The following HDAC4 variants were observed in gnomAD, a reference collection of about 807,000 sequenced individuals.
HDAC4 encodes histone deacetylase A.
Under a neutral mutation model 135.1 loss-of-function variants are expected in HDAC4, and 16 were observed. That is an observed-to-expected ratio of 0.12 (90% CI 0.08 to 0.18). The LOEUF (loss-of-function observed/expected upper bound fraction) is 0.18, where lower values mean the gene tolerates loss of function less well. Among genes scored for constraint, HDAC4 ranks in the 10% least tolerant of loss-of-function variants. HDAC4 has a pLI of 1.00. For missense variants in HDAC4, 1,143 were observed against 1,511.8 expected, an observed-to-expected ratio of 0.76 and a Z score of 4.05; for synonymous variants, 685 against 653.4, an observed-to-expected ratio of 1.05 and a Z score of -0.74.
intron 1 of HDAC4, among the ~76,000 whole-genome samples, chr2:239,386,074 G>A (rs1436985407): frequency 6.6e-6 from 1 of 152,124 alleles, no homozygotes; most frequent in Non-Finnish European, 1.5e-5. Context: ...AAGGCAGAGG[G>A]GCCTGCGTTT....
At chr2:239,288,663 T>TA (rs374473592) in intron 2 of HDAC4, among the ~76,000 whole-genome samples, 146 of 146,264 alleles carry the variant, frequency 1.0e-3, no homozygotes, top group East Asian at 5.0e-3. Context: ...AAAACTTAAT[T>TA]AAAAAAAAAA....
chr2:239,186,394 TAAAG>T (rs2044552187), intron 4 of HDAC4: 1 of 152,246 alleles, frequency 6.6e-6, no homozygotes, highest in African/African-American at 2.4e-5. Flanking sequence ...TGATGGCTTA[TAAAG>T]AGAGTTTAAA....
At position 239,339,661 on chromosome 2, in the gene HDAC4, G is replaced by A. The variant is rs369857154; in HGVS notation, c.22+13017C>T. Among the ~76,000 whole-genome samples, 5 of 152,288 alleles carry A rather than the reference G, an allele frequency of 3.3e-5. No individual in the cohort carries two copies. In the East Asian group the frequency reaches 7.7e-4, roughly 23 times the overall value. On this transcript the variant is annotated intron_variant, in intron 2 of 26. Transcript: ENST00000543185. ...TCCCAGAGAACCACACATGTGGCCC[G>A]CGGCCCCCTGCAATCTCCTGGCTAA...
rs60286975 is a variant in HDAC4, at chr2:239,391,867, G to A, written c.-220+9111C>T. On this transcript the variant is annotated intron_variant, in intron 1 of 26. Coordinates refer to ENST00000543185, the MANE Select transcript of HDAC4 (RefSeq NM_001378414.1). Reference sequence around the variant, plus strand: ...CCCACGTGCCTCAGCTCTGGCCTCCGCTTAACCAGAAGAATTCTGAAAACA... The same window carrying A: ...CCCACGTGCCTCAGCTCTGGCCTCCACTTAACCAGAAGAATTCTGAAAACA... Among the ~76,000 whole-genome samples the A allele has an allele frequency of 7.3e-3, 1,115 of 152,312 alleles. 12 individuals are homozygous for A. Among genetic ancestry groups the A allele is most frequent in the African/African-American group, 0.019 (777 of 41,558 alleles).
intron 1 of HDAC4, among the ~76,000 whole-genome samples, chr2:239,372,551 C>A (rs999897376): frequency 6.6e-6 from 1 of 152,234 alleles, no homozygotes; most frequent in Non-Finnish European, 1.5e-5. Context: ...GCACTCCACA[C>A]GCTGCTCTGC....
At chr2:239,311,196 C>T (rs1185368195) in intron 2 of HDAC4, among the ~76,000 whole-genome samples, 2 of 152,152 alleles carry the variant, frequency 1.3e-5, no homozygotes, top group Non-Finnish European at 2.9e-5. Flanking sequence ...AGGGCAGAGC[C>T]TTGCAGCCTT....
chr2:239,384,129 G>A lies in HDAC4; in HGVS notation c.-220+16849C>T, dbSNP rs1695620784. Among the ~76,000 whole-genome samples, 8 of 152,298 alleles carry A rather than the reference G, an allele frequency of 5.3e-5. 1 individual carries two copies. The South Asian group carries it at 1.7e-3, about 32-fold the overall frequency. Reference sequence around the variant, plus strand: ...AAGGCAGAAAACCCAGGGGGACCTGGCTGCACACCACATCGATGGGAAAGA... The same window carrying A: ...AAGGCAGAAAACCCAGGGGGACCTGACTGCACACCACATCGATGGGAAAGA... On this transcript the variant is annotated intron_variant, in intron 1 of 26. Transcript: ENST00000543185.
chr2:239,277,832 A>T (rs1227929223), intron 2 of HDAC4, among the ~76,000 whole-genome samples: 1 of 152,204 alleles, frequency 6.6e-6, no homozygotes, highest in Non-Finnish European at 1.5e-5. Flanking sequence ...CCTACTACTC[A>T]GGTTCTCAGA....
At chr2:239,158,782 C>T (rs3791510) in intron 6 of HDAC4, among the ~76,000 whole-genome samples, 13,554 of 152,136 alleles carry the variant, frequency 0.089, 645 homozygotes, top group East Asian at 0.18. Context: ...AGGTCACACC[C>T]GCCCAGCCCT....
intron 22 of HDAC4, among the ~76,000 whole-genome samples, chr2:239,080,122 CCACA>C (rs532166716): frequency 9.4e-5 from 14 of 148,370 alleles, no homozygotes; most frequent in South Asian, 2.1e-4. Flanking sequence ...GAACACCGAC[CCACA>C]CAAACACACA....
At chr2:239,311,797 C>G (rs1009252696) in intron 2 of HDAC4, among the ~76,000 whole-genome samples, 1 of 152,182 alleles carries the variant, frequency 6.6e-6, no homozygotes, top group South Asian at 2.1e-4. Flanking sequence ...AGTGATGGGG[C>G]GGTGCTTCCT....
At chr2:239,327,748 G>A (rs1372951375) in intron 2 of HDAC4, among the ~76,000 whole-genome samples, 3 of 152,222 alleles carry the variant, frequency 2.0e-5, no homozygotes, top group Non-Finnish European at 4.4e-5. Context: ...AAGCGTGCCT[G>A]TGCCCTGCAG....
chr2:239,370,484 C>T (rs1048997005), intron 1 of HDAC4, among the ~76,000 whole-genome samples: 6 of 152,236 alleles, frequency 3.9e-5, no homozygotes, highest in East Asian at 1.9e-4. Flanking sequence ...CCAGTCAGCA[C>T]GGGCACTCTG....
intron 12 of HDAC4, among the ~76,000 whole-genome samples, chr2:239,120,402 G>GACAC (rs912163549): frequency 8.8e-5 from 6 of 68,270 alleles, no homozygotes; most frequent in African/African-American, 2.7e-4. Context: ...GACGCACACA[G>GACAC]ACACACACAC....
intron 3 of HDAC4, among the ~76,000 whole-genome samples, chr2:239,228,007 A>G (rs2047339407): frequency 6.6e-6 from 1 of 152,148 alleles, no homozygotes; most frequent in South Asian, 2.1e-4. Flanking sequence ...TTCACTTGAG[A>G]CAGTTGCTCC....
intron 2 of HDAC4, among the ~76,000 whole-genome samples, chr2:239,255,790 G>A (rs2049020663): frequency 6.6e-6 from 1 of 152,172 alleles, no homozygotes; most frequent in Non-Finnish European, 1.5e-5. Flanking sequence ...GAGCATGACT[G>A]ACAGCAATCA....
At position 239,050,484 on chromosome 2, in the gene HDAC4, T is replaced by G. The variant is rs1254073519; in HGVS notation, c.*2613A>C. 1 of 152,506 alleles carries G rather than the reference T, an allele frequency of 6.6e-6. No homozygotes were observed. The highest frequency in any genetic ancestry group is 1.5e-5 in the Non-Finnish European group (1 of 68,112). 9.4% of individuals were successfully genotyped at this position (152,506 alleles called of 1,614,324 possible). On this transcript the variant is annotated 3_prime_UTR_variant, in exon 27 of 27. Coordinates refer to ENST00000543185, the MANE Select transcript of HDAC4 (RefSeq NM_001378414.1). ...AATGGACCAGCTCCTCTTGCCAATC[T>G]GGGCTTCAGAGCAAAGAGTGGCCAC... is the stretch of plus-strand genomic sequence containing the variant.
rs539616144 is a variant in HDAC4, at chr2:239,317,910, G to A, written c.22+34768C>T. On this transcript the variant is annotated intron_variant, in intron 2 of 26. Transcript: ENST00000543185. ...CCAAGAACCTCCTGAGGTTAATGAG[G>A]GCTTCCCGTCCTGAATGTAGCAAGA... is the stretch of plus-strand genomic sequence containing the variant. 7.2e-5 allele frequency among the ~76,000 whole-genome samples: 11 copies of A among 151,860 alleles called. No homozygotes were observed. The South Asian group carries it at 2.3e-3, about 32-fold the overall frequency.
intron 3 of HDAC4, among the ~76,000 whole-genome samples, chr2:239,200,505 T>G (rs1032880085): frequency 1.3e-5 from 2 of 151,948 alleles, no homozygotes; most frequent in African/African-American, 4.8e-5. Flanking sequence ...TGTAGGTGAG[T>G]TTTTATATGC....
Sources: allele counts gnomAD v4.1 joint callset (sites outside exome capture counted in the v4.1 genomes callset), GRCh38; gene constraint gnomAD v4.1.1; transcripts MANE v1.5; gene names NCBI Gene and HGNC (gene_info 2026-07-23, HGNC 2026-07-21).